The following KCNQ5 variants were observed in gnomAD, a reference collection of about 807,000 sequenced individuals.
The protein encoded by KCNQ5 is potassium voltage-gated channel subfamily Q member 5.
A neutral mutation model predicts 98.2 loss-of-function variants in KCNQ5; 30 were observed. The observed-to-expected ratio is 0.31, with a 90% CI of 0.23 to 0.41. The LOEUF is 0.41. KCNQ5 is among the 10% of genes least tolerant of loss of function. The pLI, the probability that KCNQ5 is intolerant of heterozygous loss-of-function variation, is 1.00. For synonymous variants in KCNQ5, 458 were observed against 449.4 expected (o/e 1.02, Z -0.24); for missense variants, 835 against 1,182.5 (o/e 0.71, Z 4.31).
At chr6:72,663,052 C>T (rs915671621) in intron 1 of KCNQ5, among the ~76,000 whole-genome samples, 13 of 152,072 alleles carry the variant, frequency 8.5e-5, no homozygotes, top group African/African-American at 1.9e-4. Context: ...AAACCGAACA[C>T]TGCATGTTCT....
At chr6:72,932,422 T>G (rs1765728943) in intron 1 of KCNQ5, among the ~76,000 whole-genome samples, 1 of 152,176 alleles carries the variant, frequency 6.6e-6, no homozygotes, top group South Asian at 2.1e-4. Context: ...AGATTTTCTT[T>G]TTTAAATCAG....
At chr6:72,936,789 C>A (rs1048056684) in intron 1 of KCNQ5, among the ~76,000 whole-genome samples, 3 of 152,130 alleles carry the variant, frequency 2.0e-5, no homozygotes, top group Non-Finnish European at 2.9e-5. Context: ...TTCTTGCCTC[C>A]GTCTTCCACA....
chr6:73,163,388 G>A (rs1245624741), intron 10 of KCNQ5, among the ~76,000 whole-genome samples: 6 of 152,258 alleles, frequency 3.9e-5, no homozygotes, highest in Non-Finnish European at 5.9e-5. Context: ...AGAGGGAGAC[G>A]CTGTCTCAAG....
At chr6:73,079,650 G>A (rs1006319508) in intron 5 of KCNQ5, among the ~76,000 whole-genome samples, 5 of 152,204 alleles carry the variant, frequency 3.3e-5, no homozygotes, top group Admixed American at 2.0e-4. Flanking sequence ...TATGCCATTG[G>A]TTTCAAAGGA....
chr6:73,075,658 C>T (rs912547176), intron 3 of KCNQ5, among the ~76,000 whole-genome samples: 7 of 152,180 alleles, frequency 4.6e-5, no homozygotes, highest in African/African-American at 1.7e-4. Context: ...CATTTAGTTC[C>T]TTCTTGTTTC....
chr6:72,665,190 A>G (rs1460043905), intron 1 of KCNQ5, among the ~76,000 whole-genome samples: 1 of 152,074 alleles, frequency 6.6e-6, no homozygotes, highest in Non-Finnish European at 1.5e-5. Context: ...TCTGCTAAAA[A>G]TACAAAAATT....
rs56804434 is a variant in KCNQ5, at chr6:73,029,904, C to CAAAA, written c.490-12013_490-12010dup. On this transcript the variant is annotated intron_variant, in intron 2 of 13. Transcript: ENST00000370398. Reference sequence around the variant, plus strand: ...CCAGCGACAGAGCCAGACTCCGTCTCAAAAAAAAAAAAAAAAAAAAAAGAG... The same window carrying CAAAA: ...CCAGCGACAGAGCCAGACTCCGTCTCAAAAAAAAAAAAAAAAAAAAAAAAAAGAG... Among the ~76,000 whole-genome samples the CAAAA allele has an allele frequency of 5.3e-3, 410 of 76,900 alleles. 2 individuals carry two copies. Among genetic ancestry groups the CAAAA allele is most frequent in the Non-Finnish European group, 7.6e-3 (324 of 42,770 alleles). 50.4% of individuals were successfully genotyped at this position (76,900 alleles called of 152,430 possible).
At chr6:72,706,656 A>G (rs1769099470) in intron 1 of KCNQ5, among the ~76,000 whole-genome samples, 1 of 152,144 alleles carries the variant, frequency 6.6e-6, no homozygotes, top group East Asian at 1.9e-4. Context: ...TTCCTAATAC[A>G]GCAACCTAAA....
chr6:72,766,239 A>G (rs889958318), intron 1 of KCNQ5, among the ~76,000 whole-genome samples: 2 of 152,006 alleles, frequency 1.3e-5, no homozygotes, highest in Non-Finnish European at 2.9e-5. Context: ...AGTTGGGATA[A>G]CAGCACTATG....
At chr6:72,941,691 T>TTCTCCCTCAA (rs1562082954) in intron 1 of KCNQ5, among the ~76,000 whole-genome samples, 2 of 414 alleles carry the variant, frequency 4.8e-3, no homozygotes, top group Non-Finnish European at 0.011. Context: ...TTTCTTTCTT[T>TTCTCCCTCAA]CTTTCTTTCT....
intron 1 of KCNQ5, among the ~76,000 whole-genome samples, chr6:72,900,981 AT>A (rs1018511361): frequency 2.0e-5 from 3 of 152,044 alleles, no homozygotes; most frequent in Admixed American, 6.5e-5. Context: ...TCCTTAGCCC[AT>A]TTTTTTAATT....
chr6:72,732,370 G>A (rs938763581), intron 1 of KCNQ5, among the ~76,000 whole-genome samples: 4 of 152,108 alleles, frequency 2.6e-5, no homozygotes, highest in African/African-American at 9.7e-5. Context: ...TTGCAGGGGA[G>A]GGTGTGGATG....
At chr6:73,054,130 C>G (rs984392866) in intron 3 of KCNQ5, among the ~76,000 whole-genome samples, 3 of 152,052 alleles carry the variant, frequency 2.0e-5, no homozygotes, top group African/African-American at 7.2e-5. Context: ...TACAACCTTC[C>G]AAGATTGAAC....
intron 7 of KCNQ5, among the ~76,000 whole-genome samples, chr6:73,118,607 T>C (rs559884486): frequency 7.9e-5 from 12 of 152,230 alleles, no homozygotes; most frequent in Non-Finnish European, 1.3e-4. Flanking sequence ...TTAACTTTTA[T>C]TTAGCATACA....
rs542992243 is a variant in KCNQ5 at position 72,713,023 on chromosome 6, G to A, written c.398+90436G>A. On this transcript the variant is annotated intron_variant, in intron 1 of 13. Coordinates refer to ENST00000370398, the MANE Select transcript of KCNQ5 (RefSeq NM_019842.4). ...CCAAAACTGTGCCTGATGTATTTTAGGTGCTCAGTAATATGTACATAATAA... is the reference window on the plus strand; with the variant it reads ...CCAAAACTGTGCCTGATGTATTTTAAGTGCTCAGTAATATGTACATAATAA... Among the ~76,000 whole-genome samples, 3 of 152,132 alleles carry A rather than the reference G, an allele frequency of 2.0e-5. No individual in the cohort carries two copies. In the East Asian group the frequency reaches 5.8e-4, roughly 29 times the overall value.
intron 1 of KCNQ5, among the ~76,000 whole-genome samples, chr6:72,799,863 T>C (rs1774543062): frequency 6.6e-6 from 1 of 152,178 alleles, no homozygotes. Context: ...CTCTTCCAAA[T>C]AGTGTAACAG....
intron 2 of KCNQ5, among the ~76,000 whole-genome samples, chr6:73,034,684 C>T (rs1771309490): frequency 6.6e-6 from 1 of 152,050 alleles, no homozygotes; most frequent in Non-Finnish European, 1.5e-5. Context: ...AATGGTACAG[C>T]AGAGTTATAT....
intron 3 of KCNQ5, among the ~76,000 whole-genome samples, chr6:73,046,911 G>A (rs1771992431): frequency 6.6e-6 from 1 of 152,084 alleles, no homozygotes; most frequent in Non-Finnish European, 1.5e-5. Flanking sequence ...CCAAAGTGCT[G>A]GTATTACAAG....
intron 1 of KCNQ5, among the ~76,000 whole-genome samples, chr6:72,915,685 A>G (rs1780106111): frequency 6.6e-6 from 1 of 152,134 alleles, no homozygotes; most frequent in African/African-American, 2.4e-5. Flanking sequence ...TGTACACATA[A>G]TCACACACAA....
Sources: gnomAD v4.1 joint callset for allele counts (sites outside exome capture counted in the v4.1 genomes callset) on GRCh38, gnomAD v4.1.1 for gene constraint, MANE v1.5 for transcripts, NCBI Gene and HGNC (gene_info 2026-07-23, HGNC 2026-07-21) for gene names.